The following EFNA3 variants were observed in gnomAD, a reference collection of about 807,000 sequenced individuals.
EFNA3 encodes the protein ephrin A3.
EFNA3 carries 15 observed loss-of-function variants against 25.0 expected under a neutral mutation model. The ratio of observed to expected loss-of-function variants is 0.60; its 90% CI spans 0.40 to 0.92. The LOEUF (loss-of-function observed/expected upper bound fraction) is 0.92. Ranked by LOEUF, EFNA3 falls within the 40% of genes least tolerant of loss-of-function variation. The pLI is 0.00. For missense variants in EFNA3, 298 were observed against 323.8 expected (o/e 0.92, Z 0.61); for synonymous variants, 153 against 145.6 (o/e 1.05, Z -0.37).
Position 155,079,049 on chromosome 1 carries a change from C to G in EFNA3, c.108C>G (p.Tyr36Ter). 7.2e-7 allele frequency: 1 copy of G among 1,388,450 alleles called. No individual in the cohort carries two copies. The highest frequency in any genetic ancestry group is 9.4e-7 in the Non-Finnish European group (1 of 1,067,610). 86.0% of individuals were successfully genotyped at this position (1,388,450 alleles called of 1,614,324 possible). A position where few individuals can be genotyped will look rare whatever the true frequency, so the allele number is the denominator to read the frequency against. ...CGCTGGGAAACCGGCATGCGGTGTA[C>G]TGGAACAGCTCCAACCAGCAGTGAG... ...GGALGNRHAV[Y>*]WNSSNQHLRR... The change falls in exon 1 of 5, where the codon TAC becomes TAG. Residue 36 changes from tyrosine (Y) to a stop codon, truncating the protein, a stop_gained. Coordinates refer to ENST00000368408, the MANE Select transcript of EFNA3 (RefSeq NM_004952.5). LOFTEE classifies it high-confidence loss of function. This position sits in a 1 kb window ranked among gnomAD's most constrained non-coding sequence, Gnocchi z 7.7.
In EFNA3 at chr1:155,078,872, G is replaced by C. The variant is rs1663281947; in HGVS notation, c.-70G>C. 1 of 1,312,196 alleles carries C rather than the reference G, an allele frequency of 7.6e-7. No individual in the cohort carries two copies. The highest frequency in any genetic ancestry group is 4.3e-5 in the Admixed American group (1 of 23,460). The allele number at this position is 1,312,196 out of a possible 1,614,324, so 81.3% of individuals were successfully genotyped here. A position where few individuals can be genotyped will look rare whatever the true frequency, so the allele number is the denominator to read the frequency against. On this transcript the variant is annotated 5_prime_UTR_variant, in exon 1 of 5. Transcript: ENST00000368408. ...TGGGGGCCGACGGCGGCGGCAGCAGGGAGCTGGGAAGCGGAGAAGCCGGGA... is the reference window on the plus strand; with the variant it reads ...TGGGGGCCGACGGCGGCGGCAGCAGCGAGCTGGGAAGCGGAGAAGCCGGGA...
In EFNA3 at chr1:155,085,960, C is replaced by A. The variant is rs779728762; in HGVS notation, c.508+18C>A. 3 of 1,598,568 alleles carry A rather than the reference C, an allele frequency of 1.9e-6. No homozygotes were observed. In the South Asian group the frequency reaches 3.4e-5, roughly 18 times the overall value. On this transcript the variant is annotated intron_variant, in intron 3 of 4. Transcript: ENST00000368408. This position sits in a 1 kb window ranked among gnomAD's most constrained non-coding sequence, Gnocchi z 4.4. Reference sequence around the variant, plus strand: ...CGCCTCCAGTGAGTAGAATAGGCTCCGAGCCGCGCCCCCATCCTCAGCTCC... The same window carrying A: ...CGCCTCCAGTGAGTAGAATAGGCTCAGAGCCGCGCCCCCATCCTCAGCTCC...
In EFNA3 at chr1:155,085,274, C is replaced by G. The variant is rs748483095; in HGVS notation, c.312C>G (p.Gly104=). The change falls in exon 2 of 5, where the codon GGC becomes GGG. Residue 104 remains glycine, a synonymous_variant. Transcript: ENST00000368408. The surrounding 1 kb of genome is among the most constrained non-coding windows in gnomAD (Gnocchi z 4.4). Reference sequence around the variant, plus strand: ...ACCGCACCTGCAACGCCAGCCAGGGCTTCAAGCGCTGGGAGTGCAACCGGC... The same window carrying G: ...ACCGCACCTGCAACGCCAGCCAGGGGTTCAAGCGCTGGGAGTGCAACCGGC... ...NGYRTCNASQ[G]FKRWECNRPH... 1.2e-6 allele frequency: 2 copies of G among 1,612,982 alleles called. No individual in the cohort carries two copies. Among genetic ancestry groups the G allele is most frequent in the Non-Finnish European group, 1.7e-6 (2 of 1,179,632 alleles).
At position 155,079,481 on chromosome 1, in the gene EFNA3, T is replaced by C. The variant is rs1663301332; in HGVS notation, c.128+412T>C. On this transcript the variant is annotated intron_variant, in intron 1 of 4. Coordinates refer to ENST00000368408, the MANE Select transcript of EFNA3 (RefSeq NM_004952.5). This position sits in a 1 kb window ranked among gnomAD's most constrained non-coding sequence, Gnocchi z 7.7. The stretch of plus-strand genomic sequence containing the variant: ...TGGCCATGAGGGCTTCCAGGGGTTC[T>C]GTCTAGGACTCCTGCTTTTAAAAGT... Among the ~76,000 whole-genome samples, 1 of 152,180 alleles carries C rather than the reference T, an allele frequency of 6.6e-6. No homozygotes were observed. The highest frequency in any genetic ancestry group is 2.4e-5 in the African/African-American group (1 of 41,434).
At chr1:155,086,340 T>G in intron 4 of EFNA3, 73 bp from the exon 5 acceptor site, 1 of 1,600,928 alleles carries the variant, frequency 6.2e-7, no homozygotes, top group Non-Finnish European at 8.5e-7. Flanking sequence ...CCTGGCTCCA[T>G]TGCTGCTGCC....
intron 4 of EFNA3, 62 bp downstream of exon 4, chr1:155,086,267 C>T (rs1663459938): frequency 1.3e-6 from 2 of 1,599,106 alleles, no homozygotes; most frequent in African/African-American, 1.3e-5. Context: ...GCCCCGGTGC[C>T]TGCTCACCTC....
chr1:155,086,850 A>T lies in EFNA3; in HGVS notation c.*307A>T, dbSNP rs1251968117. On this transcript the variant is annotated 3_prime_UTR_variant, in exon 5 of 5. Transcript: ENST00000368408. ...CCCTGGCCCCTGGTACCTTTCCCTG[A>T]CTCCTGGTGCCCTCTCCCTTTGTCC... is the stretch of plus-strand genomic sequence containing the variant. 3.3e-5 allele frequency: 10 copies of T among 306,778 alleles called. No individual in the cohort carries two copies. Among genetic ancestry groups the T allele is most frequent in the Middle Eastern group, 9.9e-4 (1 of 1,008 alleles). 19.0% of individuals were successfully genotyped at this position (306,778 alleles called of 1,614,324 possible).
chr1:155,078,938 G>C lies in EFNA3; in HGVS notation c.-4G>C. 1 of 1,398,774 alleles carries C rather than the reference G, an allele frequency of 7.1e-7. No homozygotes were observed. The highest frequency in any genetic ancestry group is 1.5e-5 in the African/African-American group (1 of 65,912). The allele number at this position is 1,398,774 out of a possible 1,614,324, so 86.6% of individuals were successfully genotyped here. On this transcript the variant is annotated 5_prime_UTR_variant, in exon 1 of 5. Coordinates refer to ENST00000368408, the MANE Select transcript of EFNA3 (RefSeq NM_004952.5). Reference sequence around the variant, plus strand: ...GGGGGGCGGCGGCGGCGGCGGCTCCGGGGATGGCGGCGGCTCCGCTGCTGC... The same window carrying C: ...GGGGGGCGGCGGCGGCGGCGGCTCCCGGGATGGCGGCGGCTCCGCTGCTGC...
At position 155,080,243 on chromosome 1, in the gene EFNA3, G is replaced by C. The variant is rs1480816923; in HGVS notation, c.128+1174G>C. ...TGGCCAGACCCCAGGGGAGGGGACC[G>C]GGAGGGCCGGGCGGCCGCGACCCCC... On this transcript the variant is annotated intron_variant, in intron 1 of 4. Transcript: ENST00000368408. The surrounding 1 kb of genome is among the most constrained non-coding windows in gnomAD (Gnocchi z 7.0). Among the ~76,000 whole-genome samples, 1 of 152,072 alleles carries C rather than the reference G, an allele frequency of 6.6e-6. No homozygotes were observed. Among genetic ancestry groups the C allele is most frequent in the Non-Finnish European group, 1.5e-5 (1 of 67,994 alleles).
chr1:155,080,248 G>A lies in EFNA3; in HGVS notation c.128+1179G>A, dbSNP rs1307697957. Among the ~76,000 whole-genome samples, 1 of 152,058 alleles carries A rather than the reference G, an allele frequency of 6.6e-6. No individual in the cohort carries two copies. Among genetic ancestry groups the A allele is most frequent in the African/African-American group, 2.4e-5 (1 of 41,398 alleles). ...AGACCCCAGGGGAGGGGACCGGGAG[G>A]GCCGGGCGGCCGCGACCCCCAACCT... On this transcript the variant is annotated intron_variant, in intron 1 of 4. Transcript: ENST00000368408. This position sits in a 1 kb window ranked among gnomAD's most constrained non-coding sequence, Gnocchi z 7.0.
In EFNA3 at chr1:155,081,783, A is replaced by T. The variant is rs1304131455; in HGVS notation, c.128+2714A>T. On this transcript the variant is annotated intron_variant, in intron 1 of 4. Transcript: ENST00000368408. The surrounding 1 kb of genome is among the most constrained non-coding windows in gnomAD (Gnocchi z 5.2). ...CTCTCGGTTTCTGCGTCTCTCTCGC[A>T]CTGTGTCTCCCTTCCTTTCCCCTTT... 6.6e-6 allele frequency among the ~76,000 whole-genome samples: 1 copy of T among 151,428 alleles called. No individual in the cohort carries two copies. The highest frequency in any genetic ancestry group is 1.5e-5 in the Non-Finnish European group (1 of 67,870).
At position 155,085,274 on chromosome 1, in the gene EFNA3, C is replaced by A. The variant is rs748483095; in HGVS notation, c.312C>A (p.Gly104=). 6.2e-7 allele frequency: 1 copy of A among 1,612,982 alleles called. No individual in the cohort carries two copies. Among genetic ancestry groups the A allele is most frequent in the East Asian group, 2.2e-5 (1 of 44,866 alleles). ...ACCGCACCTGCAACGCCAGCCAGGG[C>A]TTCAAGCGCTGGGAGTGCAACCGGC... ...NGYRTCNASQ[G]FKRWECNRPH... is the part of the protein sequence containing the mutation. Residue 104 remains glycine (G), a synonymous_variant, in exon 2 of 5, where the codon GGC becomes GGA. Transcript: ENST00000368408. This position sits in a 1 kb window ranked among gnomAD's most constrained non-coding sequence, Gnocchi z 4.4.
intron 4 of EFNA3, 82 bp downstream of exon 4, chr1:155,086,287 C>G: frequency 2.5e-6 from 4 of 1,595,984 alleles, no homozygotes; most frequent in Non-Finnish European, 2.6e-6. Flanking sequence ...CGCATGCCTT[C>G]CCTGGGGGCA....
chr1:155,080,779 C>A lies in EFNA3; in HGVS notation c.128+1710C>A, dbSNP rs1663328190. 6.6e-6 allele frequency among the ~76,000 whole-genome samples: 1 copy of A among 152,194 alleles called. No homozygotes were observed. Among genetic ancestry groups the A allele is most frequent in the East Asian group, 1.9e-4 (1 of 5,186 alleles). On this transcript the variant is annotated intron_variant, in intron 1 of 4. Coordinates refer to ENST00000368408, the MANE Select transcript of EFNA3 (RefSeq NM_004952.5). The surrounding 1 kb of genome is among the most constrained non-coding windows in gnomAD (Gnocchi z 7.0). The stretch of plus-strand genomic sequence containing the variant: ...CGGGTTCCGGGAGCCTCCTTTCTGT[C>A]CTCTCTACTCCGTGCGGGCCTGGGC...
chr1:155,079,977 G>T lies in EFNA3; in HGVS notation c.128+908G>T, dbSNP rs1338962726. 2.0e-4 allele frequency among the ~76,000 whole-genome samples: 31 copies of T among 152,016 alleles called. No homozygotes were observed. Among genetic ancestry groups the T allele is most frequent in the Non-Finnish European group, 3.4e-4 (23 of 67,984 alleles). ...GGCCGTGTGGTTTCCCGGGGTGTGT[G>T]GCGCGGTGGCCGGGTGCTGGCTGCG... is the stretch of plus-strand genomic sequence containing the variant. On this transcript the variant is annotated intron_variant, in intron 1 of 4. Transcript: ENST00000368408. The surrounding 1 kb of genome is among the most constrained non-coding windows in gnomAD (Gnocchi z 7.7).
At position 155,085,929 on chromosome 1, in the gene EFNA3, C is replaced by G; in HGVS notation, c.495C>G (p.Val165=). 6.2e-7 allele frequency: 1 copy of G among 1,611,836 alleles called. No individual in the cohort carries two copies. Among genetic ancestry groups the G allele is most frequent in the Non-Finnish European group, 8.5e-7 (1 of 1,179,060 alleles). The change falls in exon 3 of 5, where the codon GTC becomes GTG. Residue 165 remains valine, a synonymous_variant. Transcript: ENST00000368408. This position sits in a 1 kb window ranked among gnomAD's most constrained non-coding sequence, Gnocchi z 4.4. ...AGTGTCTGAGGATGAAGGTGTTCGT[C>G]TGCTGCGCCTCCAGTGAGTAGAATA... The part of the protein sequence containing the change: ...HWKCLRMKVF[V]CCASTSHSGE...
chr1:155,085,848 A>C lies in EFNA3; in HGVS notation c.443-29A>C, dbSNP rs902621543. On this transcript the variant is annotated intron_variant, in intron 2 of 4. Coordinates refer to ENST00000368408, the MANE Select transcript of EFNA3 (RefSeq NM_004952.5). This position sits in a 1 kb window ranked among gnomAD's most constrained non-coding sequence, Gnocchi z 4.4. ...GAGGGCACAGGCACACATTGGGCGAAAGTGACTCAGGCCCGGTCTCCTCCC... is the reference window on the plus strand; with the variant it reads ...GAGGGCACAGGCACACATTGGGCGACAGTGACTCAGGCCCGGTCTCCTCCC... 5.6e-6 allele frequency: 9 copies of C among 1,611,272 alleles called. No individual in the cohort carries two copies. Among genetic ancestry groups the C allele is most frequent in the Non-Finnish European group, 6.8e-6 (8 of 1,178,804 alleles).
chr1:155,085,761 C>A lies in EFNA3; in HGVS notation c.443-116C>A. ...GACCCGTGTCCAAAGGGTAGGGGAG[C>A]TCCTGAAGGAGACCGCCCGACGGGG... On this transcript the variant is annotated intron_variant, in intron 2 of 4. Transcript: ENST00000368408. This position sits in a 1 kb window ranked among gnomAD's most constrained non-coding sequence, Gnocchi z 4.4. The A allele has an allele frequency of 8.0e-7, 1 of 1,245,736 alleles. No homozygotes were observed. Among genetic ancestry groups the A allele is most frequent in the Non-Finnish European group, 1.1e-6 (1 of 879,620 alleles). 77.2% of individuals were successfully genotyped at this position (1,245,736 alleles called of 1,614,324 possible).
In EFNA3 at chr1:155,086,115, C is replaced by G. The variant is rs776959071; in HGVS notation, c.509-13C>G. The G allele has an allele frequency of 1.2e-6, 2 of 1,605,158 alleles. No homozygotes were observed. The highest frequency in any genetic ancestry group is 2.2e-5 in the East Asian group (1 of 44,774). On this transcript the variant is annotated splice_polypyrimidine_tract_variant and intron_variant, in intron 3 of 4. Transcript: ENST00000368408. ...CTCCCCTCCTCTCTCCCCACCCGCA[C>G]CCCACCCCGCAGCATCGCACTCCGG...
Sources: allele counts gnomAD v4.1 joint callset (sites outside exome capture counted in the v4.1 genomes callset), GRCh38; gene constraint gnomAD v4.1.1; non-coding constraint Gnocchi (gnomAD v3.1); transcripts MANE v1.5; gene names NCBI Gene and HGNC (gene_info 2026-07-23, HGNC 2026-07-21).